R3HCC1L: variants seen among roughly 807,000 people sequenced by gnomAD.
R3HCC1L encodes coiled-coil domain-containing protein R3HCC1L.
In R3HCC1L, 51 loss-of-function variants were observed where a neutral mutation model predicts 59.9. The ratio of observed to expected loss-of-function variants is 0.85; its 90% CI spans 0.68 to 1.07. R3HCC1L has a LOEUF of 1.07. R3HCC1L is among the 50% of genes least tolerant of loss of function. The pLI is 0.00. For missense variants in R3HCC1L, 965 were observed against 933.0 expected (o/e 1.03, Z -0.45); for synonymous variants, 322 against 315.2 (o/e 1.02, Z -0.23).
chr10:98,211,913 G>A (rs998246821), intron 5 of R3HCC1L, among the ~76,000 whole-genome samples: 2 of 152,230 alleles, frequency 1.3e-5, no homozygotes, highest in Non-Finnish European at 2.9e-5. Flanking sequence ...TCAGTATTTC[G>A]AGGAGCATAG....
chr10:98,201,113 T>C (rs1474715818), intron 4 of R3HCC1L, among the ~76,000 whole-genome samples: 1 of 152,218 alleles, frequency 6.6e-6, no homozygotes, highest in Non-Finnish European at 1.5e-5. Context: ...TATTTTTCCA[T>C]TGATTTGGAG....
At chr10:98,155,414 A>G (rs1846745567) in intron 1 of R3HCC1L, among the ~76,000 whole-genome samples, 1 of 152,128 alleles carries the variant, frequency 6.6e-6, no homozygotes, top group Non-Finnish European at 1.5e-5. Context: ...CTCTTTCACT[A>G]TTAGAAATAT....
Position 98,238,236 on chromosome 10 carries a change from G to A in R3HCC1L, c.2269+2072G>A, listed in dbSNP as rs866982550. On this transcript the variant is annotated intron_variant, in intron 9 of 9. Transcript: ENST00000298999. Reference sequence around the variant, plus strand: ...TTACTCTTTTTATTTTAAAATTCCTGTAATCATCTGTTAGCTCCATTTGGC... The same window carrying A: ...TTACTCTTTTTATTTTAAAATTCCTATAATCATCTGTTAGCTCCATTTGGC... Among the ~76,000 whole-genome samples the A allele has an allele frequency of 2.6e-5, 4 of 152,272 alleles. No homozygotes were observed. The Middle Eastern group carries it at 0.01, about 388-fold the overall frequency.
chr10:98,243,628 A>G (rs2135798986), intron 9 of R3HCC1L, among the ~76,000 whole-genome samples: 1 of 152,332 alleles, frequency 6.6e-6, no homozygotes, highest in Non-Finnish European at 1.5e-5. Flanking sequence ...AGTTTTAGAG[A>G]GGAGATATGA....
intron 5 of R3HCC1L, among the ~76,000 whole-genome samples, chr10:98,223,101 A>G (rs1322039166): frequency 6.6e-6 from 1 of 152,156 alleles, no homozygotes; most frequent in Non-Finnish European, 1.5e-5. Flanking sequence ...GCTGAATTCT[A>G]CCAGAGGTAC....
At chr10:98,183,212 T>G (rs1366384438) in intron 4 of R3HCC1L, among the ~76,000 whole-genome samples, 1 of 152,244 alleles carries the variant, frequency 6.6e-6, no homozygotes, top group Non-Finnish European at 1.5e-5. Context: ...TCTTCTTCAA[T>G]TTGAAATATA....
intron 4 of R3HCC1L, among the ~76,000 whole-genome samples, chr10:98,198,549 G>A (rs373400344): frequency 1.4e-5 from 2 of 147,210 alleles, no homozygotes; most frequent in Admixed American, 6.8e-5. Context: ...TCGTTTTCAG[G>A]AAAAAAAAAA....
intron 4 of R3HCC1L, among the ~76,000 whole-genome samples, chr10:98,190,102 AC>A (rs1245857698): frequency 6.6e-6 from 1 of 152,212 alleles, no homozygotes; most frequent in Non-Finnish European, 1.5e-5. Flanking sequence ...TATACCTAAT[AC>A]AATATAAATG....
intron 5 of R3HCC1L, among the ~76,000 whole-genome samples, chr10:98,218,341 C>G (rs1854456397): frequency 6.6e-6 from 1 of 151,366 alleles, no homozygotes; most frequent in African/African-American, 2.4e-5. Flanking sequence ...TACTAGTAAA[C>G]CAAATTCAAC....
At chr10:98,217,823 G>T (rs970760939) in intron 5 of R3HCC1L, among the ~76,000 whole-genome samples, 1 of 151,028 alleles carries the variant, frequency 6.6e-6, no homozygotes, top group Non-Finnish European at 1.5e-5. Context: ...TTTTCAACTA[G>T]TGTGCTATTG....
At chr10:98,170,338 C>T (rs1342230606) in intron 4 of R3HCC1L, among the ~76,000 whole-genome samples, 3 of 152,030 alleles carry the variant, frequency 2.0e-5, no homozygotes, top group Non-Finnish European at 4.4e-5. Context: ...TGTTTTGAGA[C>T]TGGGTCTTGC....
intron 4 of R3HCC1L, among the ~76,000 whole-genome samples, chr10:98,206,125 C>G (rs1169766095): frequency 6.6e-6 from 1 of 152,018 alleles, no homozygotes; most frequent in Non-Finnish European, 1.5e-5. Flanking sequence ...CCTCTTTGGG[C>G]AAGAATTATA....
At chr10:98,227,676 C>T (rs1182228085) in intron 5 of R3HCC1L, among the ~76,000 whole-genome samples, 1 of 151,538 alleles carries the variant, frequency 6.6e-6, no homozygotes, top group Non-Finnish European at 1.5e-5. Flanking sequence ...TGGTGTGCTG[C>T]ACCCATTAAC....
intron 4 of R3HCC1L, among the ~76,000 whole-genome samples, chr10:98,176,761 G>A (rs1341822254): frequency 2.0e-5 from 3 of 151,994 alleles, no homozygotes; most frequent in Admixed American, 1.3e-4. Flanking sequence ...GACAAGTGTG[G>A]TCATCTTTAC....
chr10:98,235,658 A>C (rs1856852270), intron 8 of R3HCC1L, 138 bp downstream of exon 8: 1 of 765,696 alleles, frequency 1.3e-6, no homozygotes, highest in Non-Finnish European at 2.0e-6. Flanking sequence ...TTAAGAAAAA[A>C]TAAATAAAAG....
intron 4 of R3HCC1L, among the ~76,000 whole-genome samples, chr10:98,179,178 A>G (rs61875273): frequency 0.18 from 27,965 of 152,142 alleles, 2,707 homozygotes; most frequent in Non-Finnish European, 0.2. Context: ...TTGCCCATTC[A>G]GTATGATATT....
chr10:98,157,713 G>C (rs760745744), intron 2 of R3HCC1L, among the ~76,000 whole-genome samples: 1 of 152,174 alleles, frequency 6.6e-6, no homozygotes, highest in Non-Finnish European at 1.5e-5. Flanking sequence ...GTCTATCCTT[G>C]TGGATTTATG....
intron 4 of R3HCC1L, among the ~76,000 whole-genome samples, chr10:98,195,594 C>CA (rs574565567): frequency 0.013 from 1,201 of 92,212 alleles, 19 homozygotes; most frequent in African/African-American, 0.035. Context: ...AAAATACACA[C>CA]AAAAAAAAAC....
At chr10:98,207,873 C>T (rs1225158925) in intron 4 of R3HCC1L, among the ~76,000 whole-genome samples, 1 of 151,796 alleles carries the variant, frequency 6.6e-6, no homozygotes, top group African/African-American at 2.4e-5. Context: ...ACAAACAAAA[C>T]CACAAAGCCA....
Sources: gnomAD v4.1 joint callset for allele counts (sites outside exome capture counted in the v4.1 genomes callset) on GRCh38, gnomAD v4.1.1 for gene constraint, MANE v1.5 for transcripts, NCBI Gene and HGNC (gene_info 2026-07-23, HGNC 2026-07-21) for gene names.